Variants in ST18 observed in about 807,000 individuals in gnomAD.
ST18 encodes the protein ST18 C2H2C-type zinc finger transcription factor, also known as suppression of tumorigenicity 18 protein.
A neutral mutation model predicts 110.0 loss-of-function variants in ST18; 50 were observed. The ratio of observed to expected loss-of-function variants is 0.45; its 90% CI spans 0.36 to 0.58. The LOEUF is 0.58. Among genes scored for constraint, ST18 ranks in the 20% least tolerant of loss-of-function variants. ST18 has a pLI of 0.00. For synonymous variants in ST18, 461 were observed against 452.4 expected (o/e 1.02, Z -0.24); for missense variants, 1,306 against 1,280.1 (o/e 1.02, Z -0.31).
chr8:52,400,723 C>T (rs943523263), intron 2 of ST18, among the ~76,000 whole-genome samples: 3 of 152,120 alleles, frequency 2.0e-5, no homozygotes, highest in Admixed American at 2.0e-4. Context: ...CCCCTGTCAT[C>T]CACAATTTAT....
intron 2 of ST18, among the ~76,000 whole-genome samples, chr8:52,308,157 T>C (rs942431257): frequency 1.3e-5 from 2 of 152,176 alleles, no homozygotes; most frequent in African/African-American, 4.8e-5. Context: ...AGACCTTTTT[T>C]AAACATTCAC....
chr8:52,139,648 G>T (rs999936827), intron 17 of ST18, among the ~76,000 whole-genome samples: 1 of 152,154 alleles, frequency 6.6e-6, no homozygotes, highest in Non-Finnish European at 1.5e-5. Flanking sequence ...GAGCCACCGC[G>T]CCCGGCCTAT....
chr8:52,313,792 G>A (rs577014248), intron 2 of ST18, among the ~76,000 whole-genome samples: 2 of 152,242 alleles, frequency 1.3e-5, no homozygotes, highest in Admixed American at 6.5e-5. Flanking sequence ...TTGCTGCCCC[G>A]AGGCCTCCCG....
intron 19 of ST18, among the ~76,000 whole-genome samples, chr8:52,134,479 AT>A (rs2131642775): frequency 6.6e-6 from 1 of 152,346 alleles, no homozygotes; most frequent in Non-Finnish European, 1.5e-5. Context: ...TCAAATTTCC[AT>A]TTGAGAAAAA....
chr8:52,244,512 T>C (rs2093688412), intron 2 of ST18, among the ~76,000 whole-genome samples: 1 of 152,088 alleles, frequency 6.6e-6, no homozygotes, highest in Non-Finnish European at 1.5e-5. Flanking sequence ...AATTCCCAAA[T>C]ACATCACAGA....
chr8:52,362,626 C>T (rs1385744057), intron 2 of ST18, among the ~76,000 whole-genome samples: 1 of 152,202 alleles, frequency 6.6e-6, no homozygotes, highest in African/African-American at 2.4e-5. Context: ...TTATATAATA[C>T]ATTTTCCCCA....
intron 2 of ST18, among the ~76,000 whole-genome samples, chr8:52,284,626 A>G (rs2095438631): frequency 6.6e-6 from 1 of 152,078 alleles, no homozygotes; most frequent in Non-Finnish European, 1.5e-5. Context: ...GTCCTCTGGG[A>G]ACACCAGGTT....
chr8:52,235,286 G>A (rs1223246030), intron 2 of ST18, among the ~76,000 whole-genome samples: 1 of 152,070 alleles, frequency 6.6e-6, no homozygotes, highest in East Asian at 1.9e-4. Context: ...CCCCACACCT[G>A]GTCTCCGAGT....
At chr8:52,393,088 A>G (rs1380971094) in intron 2 of ST18, among the ~76,000 whole-genome samples, 2 of 152,160 alleles carry the variant, frequency 1.3e-5, no homozygotes, top group Non-Finnish European at 2.9e-5. Context: ...CTGCTTCAAT[A>G]TGGAATTCAC....
chr8:52,171,781 A>T lies in ST18; in HGVS notation c.1069+11T>A, dbSNP rs369096113. ...TTTTATTCCTAAAATAAATGCAAAA[A>T]TGTGTCTTACGTTTATTGTTAAAGA... On this transcript the variant is annotated intron_variant, in intron 10 of 25. Transcript: ENST00000689386. 1.2e-6 allele frequency: 2 copies of T among 1,603,684 alleles called. No individual in the cohort carries two copies. Among genetic ancestry groups the T allele is most frequent in the African/African-American group, 2.7e-5 (2 of 74,490 alleles).
chr8:52,291,899 C>T (rs115672417), intron 2 of ST18, among the ~76,000 whole-genome samples: 97 of 152,232 alleles, frequency 6.4e-4, no homozygotes, highest in African/African-American at 2.2e-3. Context: ...CCCAGTCTCT[C>T]GAGATAGCTG....
chr8:52,296,045 T>G (rs529207191), intron 2 of ST18, among the ~76,000 whole-genome samples: 6 of 152,066 alleles, frequency 3.9e-5, no homozygotes, highest in African/African-American at 7.2e-5. Context: ...ACACAACCCC[T>G]GCCTGGAAAA....
intron 2 of ST18, among the ~76,000 whole-genome samples, chr8:52,355,626 A>T (rs569978270): frequency 2.0e-5 from 3 of 152,358 alleles, no homozygotes; most frequent in East Asian, 3.9e-4. Context: ...AAAACTTATG[A>T]CAATGAGTGA....
chr8:52,289,284 A>G (rs994957162), intron 2 of ST18, among the ~76,000 whole-genome samples: 7 of 152,098 alleles, frequency 4.6e-5, no homozygotes. Flanking sequence ...ACATGGTGGA[A>G]CCCCGTGTCT....
intron 2 of ST18, among the ~76,000 whole-genome samples, chr8:52,402,015 G>T (rs886368651): frequency 6.6e-6 from 1 of 152,158 alleles, no homozygotes; most frequent in African/African-American, 2.4e-5. Flanking sequence ...TTCTGAGTGG[G>T]TGCAGTAATG....
At position 52,112,450 on chromosome 8, in the gene ST18, A is replaced by G. The variant is rs945872359; in HGVS notation, c.*748T>C. On this transcript the variant is annotated 3_prime_UTR_variant, in exon 26 of 26. Transcript: ENST00000689386. The stretch of plus-strand genomic sequence containing the variant: ...AAAACATTTCAAATAAATAATTCAT[A>G]TTAACGAAAACCGTCCAGCCAAGTC... 6.6e-6 allele frequency: 1 copy of G among 152,656 alleles called. No individual in the cohort carries two copies. The highest frequency in any genetic ancestry group is 2.4e-5 in the African/African-American group (1 of 41,450). The allele number at this position is 152,656 out of a possible 1,614,324, so 9.5% of individuals were successfully genotyped here.
At chr8:52,135,327 G>T (rs1272938091) in intron 19 of ST18, among the ~76,000 whole-genome samples, 1 of 151,992 alleles carries the variant, frequency 6.6e-6, no homozygotes, top group Admixed American at 6.6e-5. Flanking sequence ...TTAGGAGGCC[G>T]AGGCGGGCAG....
At chr8:52,170,649 A>T (rs2064601117) in intron 10 of ST18, among the ~76,000 whole-genome samples, 1 of 152,068 alleles carries the variant, frequency 6.6e-6, no homozygotes, top group Non-Finnish European at 1.5e-5. Context: ...GTGGGAGTGC[A>T]CAGAGCTAGA....
chr8:52,253,372 T>G (rs2138417585), intron 2 of ST18, among the ~76,000 whole-genome samples: 1 of 152,252 alleles, frequency 6.6e-6, no homozygotes, highest in Non-Finnish European at 1.5e-5. Flanking sequence ...CCAAGGTTAG[T>G]ATTTTCTCTT....
Sources: gnomAD v4.1 joint callset for allele counts (sites outside exome capture counted in the v4.1 genomes callset) on GRCh38, gnomAD v4.1.1 for gene constraint, MANE v1.5 for transcripts, NCBI Gene and HGNC (gene_info 2026-07-23, HGNC 2026-07-21) for gene names.